Variants in RELN observed in about 807,000 individuals in gnomAD.
RELN encodes the protein reelin.
In RELN, 108 loss-of-function variants were observed where a neutral mutation model predicts 427.6. The ratio of observed to expected loss-of-function variants is 0.25; its 90% CI spans 0.22 to 0.30. RELN has a LOEUF of 0.30. Among genes scored for constraint, RELN ranks in the 10% least tolerant of loss-of-function variants. The pLI, the probability that RELN is intolerant of heterozygous loss-of-function variation, is 1.00. For synonymous variants in RELN, 1,524 were observed against 1,513.4 expected (o/e 1.01, Z -0.16); for missense variants, 3,715 against 4,302.8 (o/e 0.86, Z 3.82).
chr7:103,516,680 C>A (rs1301338792), intron 49 of RELN, among the ~76,000 whole-genome samples: 1 of 152,168 alleles, frequency 6.6e-6, no homozygotes, highest in Non-Finnish European at 1.5e-5. Context: ...AACTCCAAGG[C>A]AAGACAACCA....
intron 28 of RELN, among the ~76,000 whole-genome samples, chr7:103,578,363 T>G (rs1452916078): frequency 6.6e-6 from 1 of 152,162 alleles, no homozygotes; most frequent in African/African-American, 2.4e-5. Context: ...ACTAATCATT[T>G]GGTTAATAGG....
intron 6 of RELN, among the ~76,000 whole-genome samples, chr7:103,747,202 T>C (rs1239597149): frequency 6.9e-6 from 1 of 143,906 alleles, no homozygotes; most frequent in African/African-American, 2.7e-5. Flanking sequence ...TCACAGGTAG[T>C]AATTAAACAA....
At chr7:103,710,980 G>A (rs923881541) in intron 8 of RELN, among the ~76,000 whole-genome samples, 1 of 152,166 alleles carries the variant, frequency 6.6e-6, no homozygotes, top group Non-Finnish European at 1.5e-5. Flanking sequence ...GGAGGCAAAG[G>A]TTGCAGTGAG....
In RELN at chr7:103,637,581, G is replaced by A. The variant is rs568232653; in HGVS notation, c.2070-1113C>T. Among the ~76,000 whole-genome samples the A allele has an allele frequency of 3.9e-5, 6 of 152,266 alleles. No individual in the cohort carries two copies. In the East Asian group the frequency reaches 9.6e-4, roughly 24 times the overall value. ...TTATCAGATTACCAAATAAGTTGGAGCCTAAAATGCTAAGAACTACTGTAG... is the reference window on the plus strand; with the variant it reads ...TTATCAGATTACCAAATAAGTTGGAACCTAAAATGCTAAGAACTACTGTAG... On this transcript the variant is annotated intron_variant, in intron 17 of 64. Transcript: ENST00000428762.
chr7:103,566,883 G>A, intron 31 of RELN, 124 bp from the exon 32 acceptor site: 1 of 911,668 alleles, frequency 1.1e-6, no homozygotes, highest in Admixed American at 1.8e-5. Flanking sequence ...GCACATTTGT[G>A]TAACTTCCAA....
At chr7:103,863,639 TGAAA>T (rs1794124811) in intron 2 of RELN, among the ~76,000 whole-genome samples, 1 of 152,116 alleles carries the variant, frequency 6.6e-6, no homozygotes, top group Non-Finnish European at 1.5e-5. Flanking sequence ...GGAATGGGGC[TGAAA>T]GAGAGGGCAT....
chr7:103,662,625 C>CAAA (rs747230376), intron 11 of RELN, among the ~76,000 whole-genome samples: 31 of 77,210 alleles, frequency 4.0e-4, no homozygotes, highest in East Asian at 6.8e-4. Flanking sequence ...GACTCCGTCA[C>CAAA]AAAAAAAAAA....
chr7:103,776,076 A>C (rs1305366519), intron 4 of RELN, among the ~76,000 whole-genome samples: 1 of 152,236 alleles, frequency 6.6e-6, no homozygotes, highest in Non-Finnish European at 1.5e-5. Context: ...ATTATGTAAA[A>C]TTTAATCTAA....
Position 103,492,149 on chromosome 7 carries a change from C to T in RELN, c.9370-123G>A. The T allele has an allele frequency of 6.5e-6, 5 of 774,946 alleles. No homozygotes were observed. The South Asian group carries it at 7.4e-5, about 11-fold the overall frequency. 48.0% of individuals were successfully genotyped at this position (774,946 alleles called of 1,614,324 possible). A position where few individuals can be genotyped will look rare whatever the true frequency, so the allele number is the denominator to read the frequency against. On this transcript the variant is annotated intron_variant, in intron 57 of 64. Transcript: ENST00000428762. ...AATATTCAGAGAAGCTTTTATAGAG[C>T]AGCCTGCTGGGATACCAAGAATACA...
intron 9 of RELN, among the ~76,000 whole-genome samples, chr7:103,698,924 G>C (rs1834034340): frequency 6.6e-6 from 1 of 152,140 alleles, no homozygotes; most frequent in South Asian, 2.1e-4. Flanking sequence ...CTACTAACCA[G>C]ATGTTTTCAT....
intron 41 of RELN, 55 bp from the exon 42 acceptor site, chr7:103,545,399 A>ATGAACATTGTTCATTGATC (rs1267492268): frequency 8.3e-5 from 96 of 1,161,340 alleles, no homozygotes; most frequent in Non-Finnish European, 7.7e-6. Flanking sequence ...TATACCTTCA[A>ATGAACATTGTTCATTGATC]AGTATGCACA....
chr7:103,681,784 C>G (rs1157092501), intron 11 of RELN, among the ~76,000 whole-genome samples: 1 of 152,058 alleles, frequency 6.6e-6, no homozygotes, highest in Admixed American at 6.6e-5. Flanking sequence ...AAACAAAAAT[C>G]TCAATATAAT....
intron 8 of RELN, among the ~76,000 whole-genome samples, chr7:103,721,159 T>G (rs1790065932): frequency 6.6e-6 from 1 of 152,118 alleles, no homozygotes; most frequent in South Asian, 2.1e-4. Flanking sequence ...ATAAATGTAT[T>G]TTTAGTTATA....
intron 1 of RELN, among the ~76,000 whole-genome samples, chr7:103,977,259 C>CGAGAT (rs1156729375): frequency 7.1e-6 from 1 of 140,382 alleles, no homozygotes; most frequent in Non-Finnish European, 1.5e-5. Flanking sequence ...TGCAGTGAGC[C>CGAGAT]GAGATCACGC....
chr7:103,653,787 G>A (rs932690828), intron 13 of RELN, among the ~76,000 whole-genome samples: 2 of 151,954 alleles, frequency 1.3e-5, no homozygotes, highest in African/African-American at 2.4e-5. Context: ...GTGCATGAGG[G>A]GGCATAATTA....
chr7:103,695,239 C>G (rs889984310), intron 10 of RELN, among the ~76,000 whole-genome samples: 12 of 151,626 alleles, frequency 7.9e-5, no homozygotes, highest in African/African-American at 2.7e-4. Flanking sequence ...ATGGTGGAAC[C>G]AAAAAACAAA....
At chr7:103,916,539 C>T (rs867471313) in intron 2 of RELN, among the ~76,000 whole-genome samples, 2 of 152,086 alleles carry the variant, frequency 1.3e-5, no homozygotes, top group Non-Finnish European at 2.9e-5. Context: ...TGTTTTAAGG[C>T]CTCTGATTTA....
intron 57 of RELN, among the ~76,000 whole-genome samples, chr7:103,494,300 A>G (rs530496129): frequency 6.6e-6 from 1 of 152,086 alleles, no homozygotes. Context: ...ACATCAAAAA[A>G]GGGTATTAGA....
intron 3 of RELN, among the ~76,000 whole-genome samples, chr7:103,830,725 T>G (rs1793254274): frequency 6.6e-6 from 1 of 152,008 alleles, no homozygotes; most frequent in Non-Finnish European, 1.5e-5. Context: ...CAGTGGCCCA[T>G]GTTCACTTTT....
Sources: allele counts gnomAD v4.1 joint callset (sites outside exome capture counted in the v4.1 genomes callset), GRCh38; gene constraint gnomAD v4.1.1; transcripts MANE v1.5; gene names NCBI Gene and HGNC (gene_info 2026-07-23, HGNC 2026-07-21).